The following ZCCHC14 variants were observed in gnomAD, a reference collection of about 807,000 sequenced individuals.
ZCCHC14 encodes the protein zinc finger CCHC-type containing 14, also known as zinc finger CCHC domain-containing protein 14.
Under a neutral mutation model 85.0 loss-of-function variants are expected in ZCCHC14, and 16 were observed. That is an observed-to-expected ratio of 0.19 (90% CI 0.13 to 0.29). The LOEUF is 0.29. Ranked by LOEUF, ZCCHC14 falls within the 10% of genes least tolerant of loss-of-function variation. The pLI, the probability that ZCCHC14 is intolerant of heterozygous loss-of-function variation, is 1.00. For synonymous variants in ZCCHC14, 775 were observed against 630.7 expected (o/e 1.23, Z -3.43); for missense variants, 1,303 against 1,443.5 (o/e 0.90, Z 1.58).
At position 87,478,768 on chromosome 16, in the gene ZCCHC14, G is replaced by A. The variant is rs187236013; in HGVS notation, c.570+12901C>T. Among the ~76,000 whole-genome samples the A allele has an allele frequency of 1.1e-3, 164 of 152,006 alleles. 1 individual carries two copies. Among genetic ancestry groups the A allele is most frequent in the Non-Finnish European group, 5.6e-4 (38 of 67,978 alleles). On this transcript the variant is annotated intron_variant, in intron 1 of 12. Transcript: ENST00000671377. ...ATAACAGGCGCCCGCCACCACGCCC[G>A]GCTAATTTTTGTATTTTTAGTAGAG... is the stretch of plus-strand genomic sequence containing the variant.
chr16:87,414,827 T>A (rs1250405605), intron 9 of ZCCHC14, among the ~76,000 whole-genome samples: 1 of 152,230 alleles, frequency 6.6e-6, no homozygotes, highest in Non-Finnish European at 1.5e-5. Context: ...AGGCCTGTAA[T>A]CCCAGCACTT....
At chr16:87,464,748 T>C (rs1024732983) in intron 1 of ZCCHC14, among the ~76,000 whole-genome samples, 1 of 152,250 alleles carries the variant, frequency 6.6e-6, no homozygotes, top group Admixed American at 6.5e-5. Context: ...TTTGTTCCTT[T>C]GTTTACATTG....
chr16:87,475,040 G>A (rs576500984), intron 1 of ZCCHC14, among the ~76,000 whole-genome samples: 4 of 152,278 alleles, frequency 2.6e-5, no homozygotes, highest in African/African-American at 9.6e-5. Flanking sequence ...AATCCAAGAA[G>A]CAATCCACAA....
chr16:87,411,414 A>C (rs1567506370), intron 12 of ZCCHC14, 102 bp downstream of exon 12: 2 of 1,536,288 alleles, frequency 1.3e-6, no homozygotes, highest in East Asian at 4.5e-5. Flanking sequence ...TCGAAAAATT[A>C]TTTGCTTTAC....
chr16:87,492,911 GCGGCGGCGGCGA>G lies in ZCCHC14; in HGVS notation c.-685_-674del, dbSNP rs1197421583. On this transcript the variant is annotated 5_prime_UTR_variant, in exon 1 of 13. Coordinates refer to ENST00000671377, the MANE Select transcript of ZCCHC14 (RefSeq NM_015144.3). The surrounding 1 kb of genome is among the most constrained non-coding windows in gnomAD (Gnocchi z 6.7). ...GCGGACGGATCCGGGCCCGAGCGCGGCGGCGGCGGCGACGGCGACGGCGACGGCGACGGCGAC... is the reference window on the plus strand; with the variant it reads ...GCGGACGGATCCGGGCCCGAGCGCGGCGGCGACGGCGACGGCGACGGCGAC... 7.7e-5 allele frequency among the ~76,000 whole-genome samples: 11 copies of G among 142,066 alleles called. No homozygotes were observed. The highest frequency in any genetic ancestry group is 4.6e-4 in the East Asian group (2 of 4,390). 93.2% of individuals were successfully genotyped at this position (142,066 alleles called of 152,430 possible). A position where few individuals can be genotyped will look rare whatever the true frequency, so the allele number is the denominator to read the frequency against.
intron 5 of ZCCHC14, 83 bp from the exon 6 acceptor site, chr16:87,419,960 C>T (rs1355798873): frequency 2.5e-6 from 3 of 1,207,954 alleles, no homozygotes; most frequent in Non-Finnish European, 2.3e-6. Flanking sequence ...AACTTTTAAT[C>T]AAGAGAAATG....
At chr16:87,480,648 G>A (rs1226236442) in intron 1 of ZCCHC14, among the ~76,000 whole-genome samples, 1 of 152,178 alleles carries the variant, frequency 6.6e-6, no homozygotes, top group Non-Finnish European at 1.5e-5. Flanking sequence ...TCCTGCCCCT[G>A]GGTTTAACGG....
intron 1 of ZCCHC14, among the ~76,000 whole-genome samples, chr16:87,477,175 A>C (rs1230589004): frequency 6.6e-6 from 1 of 151,664 alleles, no homozygotes; most frequent in African/African-American, 2.4e-5. Context: ...GAAGTGGTGA[A>C]AACACCAGAT....
intron 12 of ZCCHC14, 107 bp downstream of exon 12, chr16:87,411,409 A>G: frequency 1.3e-6 from 2 of 1,531,808 alleles, no homozygotes; most frequent in Non-Finnish European, 1.7e-6. Context: ...AGCATTCGAA[A>G]AATTATTTGC....
intron 1 of ZCCHC14, 70 bp from the exon 2 acceptor site, chr16:87,460,201 A>C: frequency 1.9e-6 from 3 of 1,558,760 alleles, no homozygotes; most frequent in Middle Eastern, 1.7e-4. Flanking sequence ...TTATTTGTTA[A>C]TTAAGTCTTT....
intron 12 of ZCCHC14, 30 bp from the exon 13 acceptor site, chr16:87,410,365 T>G (rs1567505798): frequency 2.6e-6 from 2 of 768,346 alleles, no homozygotes; most frequent in African/African-American, 3.4e-5. Flanking sequence ...GAGGTCAAAT[T>G]TGAATGACTG....
rs888697113 is a variant in ZCCHC14, at chr16:87,412,166, G to A, written c.2555C>T (p.Thr852Met). 14 of 1,613,948 alleles carry A rather than the reference G, an allele frequency of 8.7e-6. No homozygotes were observed. The highest frequency in any genetic ancestry group is 6.7e-5 in the Admixed American group (4 of 60,018). The change falls in exon 12 of 13, where the codon ACG (threonine) becomes ATG (methionine). Residue 852 changes from threonine (T) to methionine (M), a missense_variant. Transcript: ENST00000671377. Reference sequence around the variant, plus strand: ...CAACGTGGCCATGTTGGCAAAGGACGTGGAGGGGTGGCTGCTGGGAGAGGC... The same window carrying A: ...CAACGTGGCCATGTTGGCAAAGGACATGGAGGGGTGGCTGCTGGGAGAGGC... The part of the protein sequence containing the change: ...NTASPSSHPS[T>M]SFANMATLPS...
At chr16:87,423,301 G>GCAC (rs2150730759) in intron 4 of ZCCHC14, among the ~76,000 whole-genome samples, 1 of 152,316 alleles carries the variant, frequency 6.6e-6, no homozygotes, top group East Asian at 1.9e-4. Flanking sequence ...GACCACTTGA[G>GCAC]CACCAGGAGG....
intron 12 of ZCCHC14, 43 bp from the exon 13 acceptor site, chr16:87,410,378 G>A (rs1433214459): frequency 1.3e-6 from 1 of 757,678 alleles, no homozygotes; most frequent in Non-Finnish European, 2.4e-6. Context: ...AATGACTGTA[G>A]AATCACCACC....
In ZCCHC14 at chr16:87,484,758, T is replaced by C. The variant is rs562550575; in HGVS notation, c.570+6911A>G. Among the ~76,000 whole-genome samples, 4 of 152,198 alleles carry C rather than the reference T, an allele frequency of 2.6e-5. No individual in the cohort carries two copies. The South Asian group carries it at 8.3e-4, about 32-fold the overall frequency. On this transcript the variant is annotated intron_variant, in intron 1 of 12. Coordinates refer to ENST00000671377, the MANE Select transcript of ZCCHC14 (RefSeq NM_015144.3). Reference sequence around the variant, plus strand: ...GAGCGGTGTTAAAGCCGGGGTTTTGTTGGCTGGTAGAGGTGAGTGGTGTTA... The same window carrying C: ...GAGCGGTGTTAAAGCCGGGGTTTTGCTGGCTGGTAGAGGTGAGTGGTGTTA...
chr16:87,427,411 A>G (rs1293146979), intron 3 of ZCCHC14, among the ~76,000 whole-genome samples: 1 of 152,104 alleles, frequency 6.6e-6, no homozygotes, highest in Non-Finnish European at 1.5e-5. Flanking sequence ...TGGGGTATGA[A>G]CTTTTTTTTC....
intron 2 of ZCCHC14, among the ~76,000 whole-genome samples, chr16:87,436,182 T>C (rs12918379): frequency 0.62 from 94,151 of 152,260 alleles, 30,159 homozygotes; most frequent in South Asian, 0.74. Context: ...GACTCAGTCA[T>C]ATTTCATATC....
Position 87,412,762 on chromosome 16 carries a change from C to A in ZCCHC14, c.1959G>T (p.Pro653=), listed in dbSNP as rs2241615. 6.2e-7 allele frequency: 1 copy of A among 1,613,980 alleles called. No individual in the cohort carries two copies. The part of the protein sequence containing the change: ...PIRMLNSVHK[P]ERGSADMKLL... Reference sequence around the variant, plus strand: ...GCTTCATGTCCGCGCTCCCTCTTTCCGGCTTGTGCACGGAATTCAGCATGC... The same window carrying A: ...GCTTCATGTCCGCGCTCCCTCTTTCAGGCTTGTGCACGGAATTCAGCATGC... Residue 653 remains proline, a synonymous_variant, in exon 12 of 13, where the codon CCG becomes CCT. Transcript: ENST00000671377.
chr16:87,433,867 C>A (rs1229897578), intron 2 of ZCCHC14, among the ~76,000 whole-genome samples: 1 of 152,110 alleles, frequency 6.6e-6, no homozygotes, highest in African/African-American at 2.4e-5. Flanking sequence ...TGGTCTCAAA[C>A]TCCTGACCTC....
Sources: allele counts gnomAD v4.1 joint callset (sites outside exome capture counted in the v4.1 genomes callset), GRCh38; gene constraint gnomAD v4.1.1; non-coding constraint Gnocchi (gnomAD v3.1); transcripts MANE v1.5; gene names NCBI Gene and HGNC (gene_info 2026-07-23, HGNC 2026-07-21).